Variants in IL2RB observed in about 807,000 individuals in gnomAD.
IL2RB encodes interleukin 2 receptor subunit beta, also known as interleukin-2 receptor subunit beta.
IL2RB carries 17 observed loss-of-function variants against 44.2 expected under a neutral mutation model. The ratio of observed to expected loss-of-function variants is 0.38; its 90% CI spans 0.26 to 0.58. The LOEUF (loss-of-function observed/expected upper bound fraction) is 0.58, where lower values mean the gene tolerates loss of function less well. Ranked by LOEUF, IL2RB falls within the 20% of genes least tolerant of loss-of-function variation. The pLI is 0.63. For synonymous variants in IL2RB, 286 were observed against 297.9 expected (o/e 0.96, Z 0.41); for missense variants, 624 against 685.5 (o/e 0.91, Z 1.00).
intron 1 of IL2RB, among the ~76,000 whole-genome samples, chr22:37,145,127 G>A (rs960544883): frequency 7.9e-5 from 12 of 152,206 alleles, no homozygotes; most frequent in East Asian, 1.9e-4. Flanking sequence ...GCATCAGGAC[G>A]CGAACTCGGA....
At chr22:37,140,044 C>T (rs1355120595) in intron 4 of IL2RB, among the ~76,000 whole-genome samples, 2 of 152,212 alleles carry the variant, frequency 1.3e-5, no homozygotes, top group Non-Finnish European at 2.9e-5. Flanking sequence ...CCCTACAGCC[C>T]GGCAGCCCTG....
At chr22:37,164,499 C>T (rs546239644) in intron 1 of IL2RB, among the ~76,000 whole-genome samples, 36 of 34,366 alleles carry the variant, frequency 1.0e-3, no homozygotes, top group South Asian at 4.5e-3. Context: ...GGGTGGTGGG[C>T]AGGGGGGATG....
At chr22:37,172,303 G>A (rs1054000114) in intron 1 of IL2RB, among the ~76,000 whole-genome samples, 2 of 152,008 alleles carry the variant, frequency 1.3e-5, no homozygotes, top group African/African-American at 4.8e-5. Context: ...AGCCAGGGTA[G>A]CCCCAGCTCC....
In IL2RB at chr22:37,142,497, G is replaced by T; in HGVS notation, c.219C>A (p.Thr73=). Residue 73 remains threonine (T), a synonymous_variant, in exon 4 of 10, where the codon ACC becomes ACA. Transcript: ENST00000216223. ...AWPDRRRWNQ[T]CELLPVSQAS... ...CTTGACTCACGGGGAGCAGCTCACAGGTTTGGTTCCACCGCCTTTCATGGC... is the reference window on the plus strand; with the variant it reads ...CTTGACTCACGGGGAGCAGCTCACATGTTTGGTTCCACCGCCTTTCATGGC... 1.2e-6 allele frequency: 2 copies of T among 1,614,160 alleles called. No individual in the cohort carries two copies. The highest frequency in any genetic ancestry group is 1.7e-6 in the Non-Finnish European group (2 of 1,179,994).
chr22:37,156,491 AC>A (rs1389984185), intron 1 of IL2RB, among the ~76,000 whole-genome samples: 1 of 152,180 alleles, frequency 6.6e-6, no homozygotes, highest in African/African-American at 2.4e-5. Context: ...CTGGCTTGCT[AC>A]TAGGGTCTCT....
intron 1 of IL2RB, among the ~76,000 whole-genome samples, chr22:37,146,276 C>T (rs1428480094): frequency 6.6e-6 from 1 of 152,180 alleles, no homozygotes; most frequent in Admixed American, 6.5e-5. Context: ...AAGCCCGCCT[C>T]CAACCACCCA....
At chr22:37,170,323 TAGCAGCTG>T (rs536542840) in intron 1 of IL2RB, among the ~76,000 whole-genome samples, 84 of 152,302 alleles carry the variant, frequency 5.5e-4, no homozygotes, top group Non-Finnish European at 9.1e-4. Flanking sequence ...GGGTGTGTTT[TAGCAGCTG>T]ACATCACAGA....
rs182607378 is a variant in IL2RB at position 37,148,872 on chromosome 22, G to C, written c.-34+953C>G. On this transcript the variant is annotated intron_variant, in intron 1 of 9. Transcript: ENST00000216223. ...TGGCTGGGGCAGGGTGGTAAAGCAG[G>C]AGCTCGGGAGCCCATGGTTCATCCA... Among the ~76,000 whole-genome samples the C allele has an allele frequency of 3.9e-3, 587 of 152,164 alleles. 17 individuals carry two copies. Among genetic ancestry groups the C allele is most frequent in the Admixed American group, 0.032 (491 of 15,278 alleles).
At chr22:37,152,928 TC>T (rs536345601), upstream of IL2RB, among the ~76,000 whole-genome samples, 1 of 130,050 alleles carries the variant, frequency 7.7e-6, no homozygotes, top group Admixed American at 8.0e-5. Context: ...AGCTGTGGCC[TC>T]TTTTTTTTTT....
upstream of IL2RB, among the ~76,000 whole-genome samples, chr22:37,153,101 ATTTTTGTATT>A (rs1302947397): frequency 6.6e-6 from 1 of 151,868 alleles, no homozygotes; most frequent in Non-Finnish European, 1.5e-5. Flanking sequence ...TGCCCGGCTA[ATTTTTGTATT>A]TTCAGTAGAG....
chr22:37,154,941 T>C (rs1287243009), intron 1 of IL2RB, among the ~76,000 whole-genome samples: 1 of 152,176 alleles, frequency 6.6e-6, no homozygotes, highest in African/African-American at 2.4e-5. Context: ...GTAGAGGGGC[T>C]GGAGTCCCTT....
intron 4 of IL2RB, among the ~76,000 whole-genome samples, chr22:37,140,619 A>G (rs1921916813): frequency 6.6e-6 from 1 of 152,076 alleles, no homozygotes; most frequent in African/African-American, 2.4e-5. Context: ...CTGTGATTTT[A>G]TCAGCTACAC....
chr22:37,172,193 C>G (rs990271978), intron 1 of IL2RB, among the ~76,000 whole-genome samples: 21 of 135,696 alleles, frequency 1.5e-4, no homozygotes, highest in African/African-American at 6.2e-4. Context: ...CAAGAAAACT[C>G]AACTATTAAC....
intron 1 of IL2RB, among the ~76,000 whole-genome samples, chr22:37,174,423 C>G (rs979736302): frequency 2.0e-5 from 3 of 152,228 alleles, no homozygotes; most frequent in Non-Finnish European, 1.5e-5. Flanking sequence ...GCTGGGGAAC[C>G]GTATATGTGC....
chr22:37,167,964 A>G (rs1226336949), intron 1 of IL2RB, among the ~76,000 whole-genome samples: 1 of 152,258 alleles, frequency 6.6e-6, no homozygotes, highest in Non-Finnish European at 1.5e-5. Context: ...GCATGAGTTC[A>G]GTAAGGATTT....
At chr22:37,171,559 T>A (rs919176639) in intron 1 of IL2RB, among the ~76,000 whole-genome samples, 1 of 152,096 alleles carries the variant, frequency 6.6e-6, no homozygotes, top group Non-Finnish European at 1.5e-5. Flanking sequence ...TAGATGGACC[T>A]CACCAGAAGG....
In IL2RB at chr22:37,128,841, A is replaced by G; in HGVS notation, c.911T>C (p.Leu304Pro). 6.2e-7 allele frequency: 1 copy of G among 1,601,010 alleles called. No individual in the cohort carries two copies. Among genetic ancestry groups the G allele is most frequent in the Non-Finnish European group, 8.5e-7 (1 of 1,170,484 alleles). Residue 304 changes from leucine to proline, a missense_variant, in exon 10 of 10, where the codon CTC (leucine) becomes CCC (proline). Physicochemically the swap from Leu to Pro is moderately conservative, Grantham distance 98. Transcript: ENST00000216223. The surrounding 1 kb of genome is among the most constrained non-coding windows in gnomAD (Gnocchi z 4.5). ...GGACGATGAGGGGAAGGGCGAAGAG[A>G]GCCACTTCTGGTGGGAGAAAGGCCA... ...SEHGGDVQKW[L>P]SSPFPSSSFS...
In IL2RB at chr22:37,128,670, T is replaced by C. The variant is rs1044604032; in HGVS notation, c.1082A>G (p.Asn361Ser). The stretch of plus-strand genomic sequence containing the variant: ...GAGGTGGAAGAAGAAGTAACCCTGG[T>C]TGGTGAAGCAGCTGGTCAGCGAGTG... ...SNHSLTSCFT[N>S]QGYFFFHLPD... The change falls in exon 10 of 10, where the codon AAC becomes AGC. Residue 361 changes from asparagine to serine, a missense_variant. Asn to Ser is a conservative substitution (Grantham distance 46). Around this residue, in one of 3 missense-constraint regions of IL2RB, gnomAD observed 291 missense variants for 275.5 expected, o/e 1.06. Transcript: ENST00000216223. The surrounding 1 kb of genome is among the most constrained non-coding windows in gnomAD (Gnocchi z 4.5). 6 of 1,613,994 alleles carry C rather than the reference T, an allele frequency of 3.7e-6. No individual in the cohort carries two copies. Among genetic ancestry groups the C allele is most frequent in the Non-Finnish European group, 5.1e-6 (6 of 1,179,988 alleles).
At chr22:37,161,783 C>T (rs984247083) in intron 1 of IL2RB, 1 of 152,220 alleles carries the variant, frequency 6.6e-6, no homozygotes, top group African/African-American at 2.4e-5. Context: ...GATCATGTGA[C>T]CAGGCTCACC....
Sources: gnomAD v4.1 joint callset for allele counts (sites outside exome capture counted in the v4.1 genomes callset) on GRCh38, gnomAD v4.1.1 for gene constraint, gnomAD v4.1.1 regional missense constraint, Gnocchi (gnomAD v3.1) non-coding constraint, MANE v1.5 for transcripts, NCBI Gene and HGNC (gene_info 2026-07-23, HGNC 2026-07-21) for gene names.